Variants in SYN2 observed in about 807,000 individuals in gnomAD.
SYN2 encodes synapsin II.
A neutral mutation model predicts 50.9 loss-of-function variants in SYN2; 19 were observed. That is an observed-to-expected ratio of 0.37 (90% CI 0.26 to 0.55). SYN2 has a LOEUF of 0.55. SYN2 is among the 20% of genes least tolerant of loss of function. SYN2 has a pLI of 0.81. For missense variants in SYN2, 587 were observed against 576.4 expected (o/e 1.02, Z -0.19); for synonymous variants, 255 against 224.9 (o/e 1.13, Z -1.20).
chr3:12,089,975 A>G (rs138323385), intron 1 of SYN2, among the ~76,000 whole-genome samples: 2 of 152,164 alleles, frequency 1.3e-5, no homozygotes, highest in South Asian at 2.1e-4. Flanking sequence ...AAGGAGTTAG[A>G]TTAGAGAATT....
chr3:12,044,643 C>A (rs1483538125), intron 1 of SYN2, among the ~76,000 whole-genome samples: 1 of 152,100 alleles, frequency 6.6e-6, no homozygotes, highest in East Asian at 1.9e-4. Flanking sequence ...TGTATGGAGG[C>A]ACTATTTTTA....
intron 7 of SYN2, among the ~76,000 whole-genome samples, chr3:12,167,010 G>A (rs544140188): frequency 6.6e-6 from 1 of 152,352 alleles, no homozygotes; most frequent in South Asian, 2.1e-4. Flanking sequence ...GCTCTGTGGA[G>A]CCAGAGCTGT....
chr3:12,151,394 G>A, intron 5 of SYN2, 68 bp downstream of exon 5: 1 of 1,283,396 alleles, frequency 7.8e-7, no homozygotes, highest in African/African-American at 1.5e-5. Context: ...CCTGGTTATT[G>A]TGGGGCTCTG....
At chr3:12,073,658 C>T (rs977152396) in intron 1 of SYN2, among the ~76,000 whole-genome samples, 1 of 152,116 alleles carries the variant, frequency 6.6e-6, no homozygotes, top group Non-Finnish European at 1.5e-5. Flanking sequence ...TCTTTAACCA[C>T]AAGACAGAAT....
At chr3:12,094,908 A>G (rs1695898016) in intron 1 of SYN2, among the ~76,000 whole-genome samples, 1 of 152,200 alleles carries the variant, frequency 6.6e-6, no homozygotes, top group South Asian at 2.1e-4. Context: ...TATATGTTGA[A>G]TAGGCAACTG....
chr3:12,122,203 G>A (rs1696575668), intron 1 of SYN2, among the ~76,000 whole-genome samples: 2 of 152,178 alleles, frequency 1.3e-5, no homozygotes. Flanking sequence ...CTGAATTGGA[G>A]TATGCTTTTG....
At chr3:12,034,751 CACCTCATAA>C (rs1289514102) in intron 1 of SYN2, among the ~76,000 whole-genome samples, 1 of 152,196 alleles carries the variant, frequency 6.6e-6, no homozygotes, top group African/African-American at 2.4e-5. Context: ...TCATTAGGCC[CACCTCATAA>C]CACTGTTGCA....
chr3:12,141,418 G>T (rs1697015154), intron 2 of SYN2, among the ~76,000 whole-genome samples: 1 of 152,172 alleles, frequency 6.6e-6, no homozygotes, highest in African/African-American at 2.4e-5. Context: ...TTCCCATTTT[G>T]TAGATCAGGG....
chr3:12,122,415 ATC>A (rs1399387261), intron 1 of SYN2, among the ~76,000 whole-genome samples: 2 of 152,226 alleles, frequency 1.3e-5, no homozygotes, highest in African/African-American at 2.4e-5. Flanking sequence ...AAGATGTTGT[ATC>A]AGGCCTCTTG....
chr3:12,188,868 T>C (rs1039190503), intron 12 of SYN2, among the ~76,000 whole-genome samples: 6 of 152,096 alleles, frequency 3.9e-5, no homozygotes, highest in Admixed American at 3.9e-4. Flanking sequence ...ACTAGCCAAC[T>C]CTAGCCCCCG....
rs566719452 is a variant in SYN2, at chr3:12,105,686, CTT to C, written c.378-34964_378-34963del. Reference sequence around the variant, plus strand: ...TGGTGTCACTTGAAGATTTTTCTCTCTTAAGATTTCAGGAGAACACAGGCAGT... The same window carrying C: ...TGGTGTCACTTGAAGATTTTTCTCTCAAGATTTCAGGAGAACACAGGCAGT... On this transcript the variant is annotated intron_variant, in intron 1 of 12. Transcript: ENST00000621198. Among the ~76,000 whole-genome samples the C allele has an allele frequency of 3.3e-3, 499 of 152,050 alleles. 2 individuals are homozygous for C. The highest frequency in any genetic ancestry group is 5.2e-3 in the Non-Finnish European group (351 of 67,966).
At chr3:12,016,437 G>C (rs1049783053) in intron 1 of SYN2, among the ~76,000 whole-genome samples, 1 of 152,224 alleles carries the variant, frequency 6.6e-6, no homozygotes, top group African/African-American at 2.4e-5. Flanking sequence ...ACAGAATTAG[G>C]ATAGTGTAAT....
intron 1 of SYN2, among the ~76,000 whole-genome samples, chr3:12,036,274 C>T (rs1465418328): frequency 1.3e-5 from 2 of 152,150 alleles, no homozygotes; most frequent in Non-Finnish European, 2.9e-5. Context: ...GGGTGCGGCA[C>T]ACTAGCTGTG....
chr3:12,080,876 AT>A (rs1202862535), intron 1 of SYN2, among the ~76,000 whole-genome samples: 1 of 151,980 alleles, frequency 6.6e-6, no homozygotes, highest in Non-Finnish European at 1.5e-5. Flanking sequence ...TTCTGTCTCA[AT>A]TATCTAATAT....
intron 5 of SYN2, chr3:12,154,296 C>G: frequency 6.2e-7 from 1 of 1,614,074 alleles, no homozygotes; most frequent in Non-Finnish European, 8.5e-7. Context: ...TCCCCCATCC[C>G]TAAAGACTTT....
chr3:12,025,552 C>T (rs1333686628), intron 1 of SYN2, among the ~76,000 whole-genome samples: 1 of 152,150 alleles, frequency 6.6e-6, no homozygotes, highest in African/African-American at 2.4e-5. Flanking sequence ...GGTTAGTCAG[C>T]TTGTAATTGC....
At chr3:12,070,302 C>T (rs756725778) in intron 1 of SYN2, 22 of 498,172 alleles carry the variant, frequency 4.4e-5, no homozygotes, top group Non-Finnish European at 8.5e-5. Context: ...GGGACGACGC[C>T]CCCTGAGCCG....
At chr3:12,154,137 A>G (rs542102639) in intron 5 of SYN2, among the ~76,000 whole-genome samples, 7 of 152,196 alleles carry the variant, frequency 4.6e-5, no homozygotes, top group Non-Finnish European at 1.0e-4. Context: ...GCCTCCTGTG[A>G]TGGCCACCTT....
chr3:12,063,483 A>C (rs972502331), intron 1 of SYN2, among the ~76,000 whole-genome samples: 1 of 152,044 alleles, frequency 6.6e-6, no homozygotes. Context: ...AAATTGAACA[A>C]TTAAGTAAAT....
Sources: gnomAD v4.1 joint callset for allele counts (sites outside exome capture counted in the v4.1 genomes callset) on GRCh38, gnomAD v4.1.1 for gene constraint, MANE v1.5 for transcripts, NCBI Gene and HGNC (gene_info 2026-07-23, HGNC 2026-07-21) for gene names.